RBMS3: variants seen among roughly 807,000 people sequenced by gnomAD.
RBMS3 encodes RNA-binding motif, single-stranded-interacting protein 3.
In RBMS3, 27 loss-of-function variants were observed where a neutral mutation model predicts 66.8. The observed-to-expected ratio is 0.40, with a 90% CI of 0.30 to 0.56. RBMS3 has a LOEUF of 0.56. RBMS3 is among the 20% of genes least tolerant of loss of function. RBMS3 has a pLI of 0.40. For missense variants in RBMS3, 513 were observed against 549.5 expected (o/e 0.93, Z 0.66); for synonymous variants, 188 against 183.0 (o/e 1.03, Z -0.22).
At chr3:29,374,543 G>A (rs1306207645) in intron 1 of RBMS3, among the ~76,000 whole-genome samples, 1 of 152,134 alleles carries the variant, frequency 6.6e-6, no homozygotes, top group Non-Finnish European at 1.5e-5. Context: ...AATTACCTAA[G>A]ATATTCAAGA....
At chr3:29,909,612 A>C (rs956982513) in intron 10 of RBMS3, among the ~76,000 whole-genome samples, 4 of 152,090 alleles carry the variant, frequency 2.6e-5, no homozygotes, top group Admixed American at 2.6e-4. Flanking sequence ...TACATTTTTT[A>C]AATTCTCAGA....
rs1300313112 is a variant in RBMS3, at chr3:30,010,073, A to C, written c.*6211A>C. 7.1e-6 allele frequency: 1 copy of C among 140,080 alleles called. No individual in the cohort carries two copies. The highest frequency in any genetic ancestry group is 2.0e-4 in the East Asian group (1 of 5,000). 8.7% of individuals were successfully genotyped at this position (140,080 alleles called of 1,614,324 possible). ...ATCTGCTATGAGATATTCAGTCTCT[A>C]TAAAAAAAAAAAGGGACACAGCTTC... On this transcript the variant is annotated 3_prime_UTR_variant, in exon 15 of 15. Coordinates refer to ENST00000383767, the MANE Select transcript of RBMS3 (RefSeq NM_001003793.3).
At chr3:29,562,810 T>C (rs2149051398) in intron 3 of RBMS3, among the ~76,000 whole-genome samples, 1 of 152,318 alleles carries the variant, frequency 6.6e-6, no homozygotes, top group South Asian at 2.1e-4. Flanking sequence ...ATAGGTTATC[T>C]TTGAGTAGAA....
At chr3:29,542,400 G>A (rs544466815) in intron 3 of RBMS3, among the ~76,000 whole-genome samples, 16 of 151,998 alleles carry the variant, frequency 1.1e-4, no homozygotes, top group African/African-American at 3.6e-4. Flanking sequence ...TCACCCAGTC[G>A]CCTAGGCTGG....
intron 3 of RBMS3, among the ~76,000 whole-genome samples, chr3:29,517,327 T>G (rs540414139): frequency 0.031 from 3,673 of 119,010 alleles, 148 homozygotes; most frequent in African/African-American, 0.13. Flanking sequence ...ATATTTTTTT[T>G]TTGTTTTTTT....
At chr3:29,799,458 C>G (rs1483570423) in intron 6 of RBMS3, among the ~76,000 whole-genome samples, 2 of 152,148 alleles carry the variant, frequency 1.3e-5, no homozygotes, top group African/African-American at 4.8e-5. Flanking sequence ...TAATACTATT[C>G]TCCTTAATGC....
chr3:29,639,228 A>G (rs2049590327), intron 4 of RBMS3, among the ~76,000 whole-genome samples: 1 of 151,786 alleles, frequency 6.6e-6, no homozygotes, highest in African/African-American at 2.4e-5. Context: ...GTATTTATCT[A>G]CTTTTACAAA....
intron 1 of RBMS3, among the ~76,000 whole-genome samples, chr3:29,383,822 G>A (rs1009440910): frequency 6.6e-6 from 1 of 152,110 alleles, no homozygotes; most frequent in Non-Finnish European, 1.5e-5. Flanking sequence ...GTGACCGTAA[G>A]TTTTCAGTGT....
intron 3 of RBMS3, among the ~76,000 whole-genome samples, chr3:29,562,988 G>GA (rs1437099933): frequency 7.2e-5 from 11 of 151,974 alleles, no homozygotes; most frequent in South Asian, 2.1e-4. Context: ...AGCATAGAAG[G>GA]AAAAAAAAGG....
At chr3:29,974,021 A>C (rs1306466141) in intron 12 of RBMS3, among the ~76,000 whole-genome samples, 1 of 151,908 alleles carries the variant, frequency 6.6e-6, no homozygotes, top group Non-Finnish European at 1.5e-5. Flanking sequence ...TCTTCCAGTA[A>C]AACTTGGATC....
At position 29,574,409 on chromosome 3, in the gene RBMS3, G is replaced by A. The variant is rs559971898; in HGVS notation, c.308-12705G>A. Among the ~76,000 whole-genome samples the A allele has an allele frequency of 5.6e-4, 85 of 151,960 alleles. 2 individuals are homozygous for A. The East Asian group carries it at 9.1e-3, about 16-fold the overall frequency. On this transcript the variant is annotated intron_variant, in intron 3 of 14. Coordinates refer to ENST00000383767, the MANE Select transcript of RBMS3 (RefSeq NM_001003793.3). Reference sequence around the variant, plus strand: ...CTGTTTTTTGGTTTTCATTGTCATGGAATGTCTTTTTTTTTCCATCCCTTT... The same window carrying A: ...CTGTTTTTTGGTTTTCATTGTCATGAAATGTCTTTTTTTTTCCATCCCTTT...
At chr3:29,548,427 C>G (rs1027185017) in intron 3 of RBMS3, among the ~76,000 whole-genome samples, 1 of 143,198 alleles carries the variant, frequency 7.0e-6, no homozygotes, top group Admixed American at 7.0e-5. Context: ...GAGACTCTGT[C>G]TCTTAAAAAC....
chr3:29,424,205 T>A (rs2040855215), intron 1 of RBMS3, among the ~76,000 whole-genome samples: 1 of 152,218 alleles, frequency 6.6e-6, no homozygotes, highest in Non-Finnish European at 1.5e-5. Context: ...TTTTAGGTGA[T>A]CCTTGAGGAA....
chr3:29,783,152 G>A (rs1002518176), intron 6 of RBMS3, among the ~76,000 whole-genome samples: 3 of 152,080 alleles, frequency 2.0e-5, no homozygotes, highest in Non-Finnish European at 4.4e-5. Flanking sequence ...AAAACTTTCT[G>A]GACTTGCTAG....
intron 3 of RBMS3, among the ~76,000 whole-genome samples, chr3:29,547,256 T>C (rs2045992972): frequency 6.6e-6 from 1 of 152,094 alleles, no homozygotes; most frequent in African/African-American, 2.4e-5. Flanking sequence ...CCCTTTAAAT[T>C]TTGCAGAGAA....
At chr3:29,472,780 G>A (rs1012858271) in intron 2 of RBMS3, among the ~76,000 whole-genome samples, 8 of 152,112 alleles carry the variant, frequency 5.3e-5, no homozygotes, top group African/African-American at 1.9e-4. Context: ...AGGCAGTGTG[G>A]ACCCAAAGAG....
chr3:29,604,951 A>G (rs962051381), intron 4 of RBMS3, among the ~76,000 whole-genome samples: 1 of 151,880 alleles, frequency 6.6e-6, no homozygotes, highest in Non-Finnish European at 1.5e-5. Flanking sequence ...GGCATATTGG[A>G]TATGTTGACA....
chr3:29,936,008 C>G (rs1005404408), intron 10 of RBMS3, 78 bp from the exon 11 acceptor site: 2 of 1,176,586 alleles, frequency 1.7e-6, no homozygotes. Context: ...CACACATTTA[C>G]AATTTACAGT....
intron 3 of RBMS3, among the ~76,000 whole-genome samples, chr3:29,570,294 A>G (rs2046904744): frequency 6.6e-6 from 1 of 152,152 alleles, no homozygotes; most frequent in South Asian, 2.1e-4. Context: ...TGACGTATCC[A>G]TGCCTTCAAG....
Sources: allele counts gnomAD v4.1 joint callset (sites outside exome capture counted in the v4.1 genomes callset), GRCh38; gene constraint gnomAD v4.1.1; transcripts MANE v1.5; gene names NCBI Gene and HGNC (gene_info 2026-07-23, HGNC 2026-07-21).